GRID2: variants seen among roughly 807,000 people sequenced by gnomAD.
GRID2 encodes glutamate ionotropic receptor delta type subunit 2, also known as glutamate receptor ionotropic, delta-2.
GRID2 carries 33 observed loss-of-function variants against 114.8 expected under a neutral mutation model. That is an observed-to-expected ratio of 0.29 (90% CI 0.22 to 0.38). The LOEUF is 0.38. Among genes scored for constraint, GRID2 ranks in the 10% least tolerant of loss-of-function variants. The pLI is 1.00. For missense variants in GRID2, 1,184 were observed against 1,257.7 expected (o/e 0.94, Z 0.89); for synonymous variants, 505 against 449.9 (o/e 1.12, Z -1.55).
At chr4:92,829,400 C>T (rs1241445331) in intron 2 of GRID2, among the ~76,000 whole-genome samples, 1 of 152,052 alleles carries the variant, frequency 6.6e-6, no homozygotes, top group East Asian at 1.9e-4. Flanking sequence ...CCATCTCATG[C>T]CAGTTAGAAT....
chr4:93,430,537 A>G (rs566495753), intron 10 of GRID2, among the ~76,000 whole-genome samples: 1 of 152,370 alleles, frequency 6.6e-6, no homozygotes, highest in South Asian at 2.1e-4. Flanking sequence ...GCCATGGTCA[A>G]AGTGCTATGG....
chr4:92,918,911 C>G (rs139156439), intron 2 of GRID2, among the ~76,000 whole-genome samples: 2,667 of 152,082 alleles, frequency 0.018, 31 homozygotes, highest in East Asian at 0.053. Flanking sequence ...GATTGTAATA[C>G]TTTCAGAAGG....
At chr4:93,721,646 A>G (rs998018417) in intron 14 of GRID2, among the ~76,000 whole-genome samples, 3 of 152,186 alleles carry the variant, frequency 2.0e-5, no homozygotes, top group Admixed American at 6.5e-5. Context: ...AATAATGTAT[A>G]TAAGATACTT....
rs1345879122 is a variant in GRID2, at chr4:93,104,210, T to C, written c.530-6538T>C. ...TACAATTTGGAAAAATACAGACTTA[T>C]GGATGAAAATATAGTTCTATGTTAG... On this transcript the variant is annotated intron_variant, in intron 3 of 15. Transcript: ENST00000282020. Among the ~76,000 whole-genome samples the C allele has an allele frequency of 2.6e-5, 4 of 152,320 alleles. No homozygotes were observed. The East Asian group carries it at 5.8e-4, about 22-fold the overall frequency.
At chr4:93,128,027 CAAAAAAAAAAAAA>C (rs1008311457) in intron 4 of GRID2, among the ~76,000 whole-genome samples, 1 of 20,344 alleles carries the variant, frequency 4.9e-5, no homozygotes, top group Non-Finnish European at 9.7e-5. Flanking sequence ...TCCCCCGCAA[CAAAAAAAAAAAAA>C]AAAAAAAAAA....
intron 10 of GRID2, among the ~76,000 whole-genome samples, chr4:93,427,537 A>C (rs1390946652): frequency 6.6e-6 from 1 of 152,036 alleles, no homozygotes; most frequent in Non-Finnish European, 1.5e-5. Context: ...ATGATTATGC[A>C]CGTACCATCA....
At chr4:92,792,456 A>AACACACACAC (rs35204445) in intron 2 of GRID2, among the ~76,000 whole-genome samples, 292 of 136,174 alleles carry the variant, frequency 2.1e-3, no homozygotes, top group African/African-American at 6.9e-3. Flanking sequence ...CAGGCAAGAG[A>AACACACACAC]ACACACACAC....
chr4:92,784,962 C>A (rs534334474), intron 2 of GRID2, among the ~76,000 whole-genome samples: 45 of 151,582 alleles, frequency 3.0e-4, no homozygotes, highest in Non-Finnish European at 5.2e-4. Context: ...ACTGCAGTAG[C>A]ACTATTAAAC....
In GRID2 at chr4:93,394,216, A is replaced by G. The variant is rs2149328024; in HGVS notation, c.1246-1391A>G. Among the ~76,000 whole-genome samples, 2 of 152,128 alleles carry G rather than the reference A, an allele frequency of 1.3e-5. 1 individual carries two copies. Among genetic ancestry groups the G allele is most frequent in the African/African-American group, 4.8e-5 (2 of 41,556 alleles). ...AATGTCTTTGATAATTAGACTTTCAACACATTTGGATTTGCTAATTGGATC... is the reference window on the plus strand; with the variant it reads ...AATGTCTTTGATAATTAGACTTTCAGCACATTTGGATTTGCTAATTGGATC... On this transcript the variant is annotated intron_variant, in intron 8 of 15. Coordinates refer to ENST00000282020, the MANE Select transcript of GRID2 (RefSeq NM_001510.4).
intron 2 of GRID2, among the ~76,000 whole-genome samples, chr4:92,988,315 G>A (rs967459667): frequency 6.6e-6 from 1 of 152,134 alleles, no homozygotes; most frequent in Non-Finnish European, 1.5e-5. Flanking sequence ...GTTGTACTAA[G>A]GCTTCAGTTC....
chr4:93,644,919 G>T (rs1039080062), intron 14 of GRID2, among the ~76,000 whole-genome samples: 3 of 152,088 alleles, frequency 2.0e-5, no homozygotes, highest in East Asian at 1.9e-4. Context: ...TTGACTAGAC[G>T]AGAGAGTACC....
chr4:93,561,546 T>C (rs2870726), intron 13 of GRID2, among the ~76,000 whole-genome samples: 20,840 of 152,034 alleles, frequency 0.14, 2,783 homozygotes, highest in African/African-American at 0.35. Flanking sequence ...ATCATTATCG[T>C]CCAAAGTCCA....
chr4:93,074,796 T>C (rs1729113728), intron 2 of GRID2, among the ~76,000 whole-genome samples: 1 of 152,156 alleles, frequency 6.6e-6, no homozygotes, highest in South Asian at 2.1e-4. Context: ...CAGTATCGTA[T>C]AAAGAGAGCT....
In GRID2 at chr4:93,628,281, T is replaced by C. The variant is rs1049711431; in HGVS notation, c.2360+1846T>C. ...AAAGCACTTGGCATCTAGTTGGAGA[T>C]ATAAGACCCATGCACAAGAAACAAA... On this transcript the variant is annotated intron_variant, in intron 14 of 15. Coordinates refer to ENST00000282020, the MANE Select transcript of GRID2 (RefSeq NM_001510.4). Among the ~76,000 whole-genome samples, 4 of 152,300 alleles carry C rather than the reference T, an allele frequency of 2.6e-5. No individual in the cohort carries two copies. The South Asian group carries it at 8.3e-4, about 32-fold the overall frequency.
At chr4:93,217,232 AAACTAAT>A (rs1404821829) in intron 6 of GRID2, 2 of 173,954 alleles carry the variant, frequency 1.1e-5, no homozygotes, top group Non-Finnish European at 2.5e-5. Flanking sequence ...CTAAATTATT[AAACTAAT>A]AAATGTGCTT....
chr4:93,581,909 T>C (rs370181061), intron 13 of GRID2, among the ~76,000 whole-genome samples: 51 of 152,216 alleles, frequency 3.4e-4, no homozygotes, highest in African/African-American at 1.1e-3. Flanking sequence ...TTCATTATCA[T>C]TGAAGATAGA....
chr4:92,921,828 C>T (rs1293895913), intron 2 of GRID2, among the ~76,000 whole-genome samples: 2 of 152,202 alleles, frequency 1.3e-5, no homozygotes, highest in Non-Finnish European at 2.9e-5. Flanking sequence ...TGTCTGTTCT[C>T]AGATCTCCAA....
intron 8 of GRID2, among the ~76,000 whole-genome samples, chr4:93,267,208 T>C (rs1750946473): frequency 6.6e-6 from 1 of 151,872 alleles, no homozygotes; most frequent in Admixed American, 6.6e-5. Flanking sequence ...TTATTATACT[T>C]TAAGTTTTAG....
intron 2 of GRID2, among the ~76,000 whole-genome samples, chr4:92,704,857 C>T (rs1734882583): frequency 1.4e-5 from 2 of 145,066 alleles, no homozygotes; most frequent in African/African-American, 2.5e-5. Flanking sequence ...GCATTGGTAA[C>T]GTGATAAGAG....
Sources: gnomAD v4.1 joint callset for allele counts (sites outside exome capture counted in the v4.1 genomes callset) on GRCh38, gnomAD v4.1.1 for gene constraint, MANE v1.5 for transcripts, NCBI Gene and HGNC (gene_info 2026-07-23, HGNC 2026-07-21) for gene names.